EMCN: variants seen among roughly 807,000 people sequenced by gnomAD.
The protein encoded by EMCN is MUC-14.
A neutral mutation model predicts 38.4 loss-of-function variants in EMCN; 37 were observed. The observed-to-expected ratio is 0.96, with a 90% CI of 0.74 to 1.27. EMCN has a LOEUF of 1.27. Ranked by LOEUF, EMCN falls within the 50% of genes most tolerant of loss-of-function variation. The probability of loss-of-function intolerance (pLI) is 0.00; values close to 1 mark genes in which losing one functional copy is unlikely to be tolerated. For missense variants in EMCN, 318 were observed against 302.8 expected, an observed-to-expected ratio of 1.05 and a Z score of -0.37; for synonymous variants, 95 against 100.8, an observed-to-expected ratio of 0.94 and a Z score of 0.35.
In EMCN at chr4:100,465,486, C is replaced by A. The variant is rs78403369; in HGVS notation, c.313G>T (p.Val105Leu). 1 of 1,607,920 alleles carries A rather than the reference C, an allele frequency of 6.2e-7. No individual in the cohort carries two copies. Among genetic ancestry groups the A allele is most frequent in the South Asian group, 1.1e-5 (1 of 90,288 alleles). ...GGAAGTGTAACACTTGTTACTGTTA[C>A]GTTTGAAATGATGGAGTCATTCTTC... is the stretch of plus-strand genomic sequence containing the variant. ...VRKNDSIISNVTVTSVTLPNA... is the reference protein window; with the variant it reads ...VRKNDSIISNLTVTSVTLPNA... The change falls in exon 4 of 12, where the codon GTA becomes TTA. Residue 105 changes from valine to leucine, a missense_variant. By Grantham distance (32) the Val-to-Leu change is conservative (BLOSUM62 1). Transcript: ENST00000296420.
chr4:100,454,210 T>G (rs1486601933), intron 4 of EMCN, among the ~76,000 whole-genome samples: 2 of 143,308 alleles, frequency 1.4e-5, no homozygotes, highest in Non-Finnish European at 3.0e-5. Context: ...AAAGAGTTAA[T>G]GAGTATGTCG....
At chr4:100,408,254 G>T (rs559943426) in intron 11 of EMCN, among the ~76,000 whole-genome samples, 5 of 152,308 alleles carry the variant, frequency 3.3e-5, no homozygotes, top group African/African-American at 1.2e-4. Context: ...AAGAATCACT[G>T]CAGAGCAGCT....
intron 5 of EMCN, among the ~76,000 whole-genome samples, chr4:100,438,332 A>T (rs576103626): frequency 6.6e-6 from 1 of 152,230 alleles, no homozygotes; most frequent in South Asian, 2.1e-4. Flanking sequence ...ATGTAACCCC[A>T]TGGTAAGTCA....
chr4:100,415,557 G>T (rs1027035132), intron 10 of EMCN, among the ~76,000 whole-genome samples: 1 of 151,970 alleles, frequency 6.6e-6, no homozygotes, highest in African/African-American at 2.4e-5. Context: ...CGACTACATA[G>T]CCAGCACCAA....
intron 1 of EMCN, among the ~76,000 whole-genome samples, chr4:100,490,880 CATT>C (rs2110291860): frequency 6.6e-6 from 1 of 152,208 alleles, no homozygotes; most frequent in South Asian, 2.1e-4. Flanking sequence ...GGTGGTATCT[CATT>C]GTGATTTTAA....
intron 9 of EMCN, among the ~76,000 whole-genome samples, chr4:100,416,582 C>T (rs904869251): frequency 6.6e-6 from 1 of 152,082 alleles, no homozygotes; most frequent in African/African-American, 2.4e-5. Context: ...CATAAAAACA[C>T]TTATATAAAG....
At chr4:100,472,587 C>A (rs56777966) in intron 3 of EMCN, among the ~76,000 whole-genome samples, 3,433 of 152,174 alleles carry the variant, frequency 0.023, 127 homozygotes, top group African/African-American at 0.078. Flanking sequence ...TCCTAGCTGG[C>A]TTTGCAGAAA....
chr4:100,494,371 G>A (rs1201366643), intron 1 of EMCN, among the ~76,000 whole-genome samples: 1 of 152,152 alleles, frequency 6.6e-6, no homozygotes, highest in Non-Finnish European at 1.5e-5. Context: ...TTTGTATTTA[G>A]TAATAGGCAA....
intron 5 of EMCN, among the ~76,000 whole-genome samples, chr4:100,425,228 G>A (rs1324449765): frequency 6.7e-6 from 1 of 149,996 alleles, no homozygotes; most frequent in African/African-American, 2.5e-5. Context: ...CCTACAGTTT[G>A]AGAAGCTCTG....
chr4:100,422,977 T>G (rs543885066), intron 7 of EMCN, 44 bp downstream of exon 7: 5 of 1,585,952 alleles, frequency 3.2e-6, no homozygotes, highest in Non-Finnish European at 4.3e-6. Context: ...ATTCAAACAT[T>G]CTGCATATCT....
At chr4:100,502,206 C>T (rs1177086537) in intron 1 of EMCN, among the ~76,000 whole-genome samples, 2 of 152,130 alleles carry the variant, frequency 1.3e-5, no homozygotes, top group Non-Finnish European at 2.9e-5. Context: ...GGCTGTCCCA[C>T]CCTAATTTCT....
rs535116613 is a variant in EMCN at position 100,454,540 on chromosome 4, T to A, written c.377-6969A>T. Among the ~76,000 whole-genome samples, 258 of 152,298 alleles carry A rather than the reference T, an allele frequency of 1.7e-3. 1 individual carries two copies. Among genetic ancestry groups the A allele is most frequent in the African/African-American group, 6.0e-3 (250 of 41,572 alleles). ...AAAAGATAGGCAGACCTGGAACCTG[T>A]GATCTTATTTTTTTAGCAAGAATAT... On this transcript the variant is annotated intron_variant, in intron 4 of 11. Transcript: ENST00000296420.
At chr4:100,449,344 G>C (rs926218501) in intron 4 of EMCN, among the ~76,000 whole-genome samples, 3 of 152,066 alleles carry the variant, frequency 2.0e-5, no homozygotes, top group Non-Finnish European at 4.4e-5. Flanking sequence ...CATTAGCTGA[G>C]AGTAGTAAAA....
At chr4:100,463,810 C>T (rs4699402) in intron 4 of EMCN, among the ~76,000 whole-genome samples, 59,194 of 151,900 alleles carry the variant, frequency 0.39, 12,378 homozygotes, top group East Asian at 0.78. Context: ...GTTCATACTT[C>T]ATTACAATAG....
At chr4:100,467,944 G>A (rs985646463) in intron 3 of EMCN, among the ~76,000 whole-genome samples, 1 of 152,160 alleles carries the variant, frequency 6.6e-6, no homozygotes. Flanking sequence ...AATAGTGCAT[G>A]CATTAGGTTT....
intron 1 of EMCN, among the ~76,000 whole-genome samples, chr4:100,488,260 C>A (rs1728991235): frequency 6.6e-6 from 1 of 152,118 alleles, no homozygotes. Context: ...TTATACATAT[C>A]AAGGGGAAGC....
chr4:100,460,617 T>A (rs1017660010), intron 4 of EMCN, among the ~76,000 whole-genome samples: 1 of 152,150 alleles, frequency 6.6e-6, no homozygotes, highest in African/African-American at 2.4e-5. Context: ...AAGAACGGTA[T>A]GGAAAAGACC....
rs145667836 is a variant in EMCN at position 100,428,115 on chromosome 4, A to C, written c.416-4711T>G. On this transcript the variant is annotated intron_variant, in intron 5 of 11. Coordinates refer to ENST00000296420, the MANE Select transcript of EMCN (RefSeq NM_016242.4). ...CAGCTAATGTAACACTGCTGCTCAA[A>C]TCCCTCAGTGATTCACCATTCCACT... Among the ~76,000 whole-genome samples, 539 of 152,264 alleles carry C rather than the reference A, an allele frequency of 3.5e-3. 6 individuals carry two copies. The highest frequency in any genetic ancestry group is 0.012 in the African/African-American group (510 of 41,554).
chr4:100,470,869 A>C (rs1490462793), intron 3 of EMCN, among the ~76,000 whole-genome samples: 1 of 152,010 alleles, frequency 6.6e-6, no homozygotes, highest in Non-Finnish European at 1.5e-5. Context: ...TCAAGGAATA[A>C]ATCATAAAAA....
Sources: allele counts gnomAD v4.1 joint callset (sites outside exome capture counted in the v4.1 genomes callset), GRCh38; gene constraint gnomAD v4.1.1; transcripts MANE v1.5; gene names NCBI Gene and HGNC (gene_info 2026-07-23, HGNC 2026-07-21).